NIPSNAP2: variants seen among roughly 807,000 people sequenced by gnomAD.
NIPSNAP2 encodes the protein nipsnap homolog 2.
A neutral mutation model predicts 48.4 loss-of-function variants in NIPSNAP2; 42 were observed. The observed-to-expected ratio is 0.87, with a 90% CI of 0.68 to 1.12. The LOEUF (loss-of-function observed/expected upper bound fraction) is 1.12. NIPSNAP2 is among the 50% of genes most tolerant of loss of function. NIPSNAP2 has a pLI of 0.00. For synonymous variants in NIPSNAP2, 158 were observed against 126.6 expected (o/e 1.25, Z -1.67); for missense variants, 314 against 347.3 (o/e 0.90, Z 0.76).
At position 55,964,673 on chromosome 7, in the gene NIPSNAP2, G is replaced by GC; in HGVS notation, c.69dup (p.Cys24LeufsTer32). ...GGCCGGCGGCCTCCTGCAGCGGGCG[G>GC]CCCCCTGCAGCCTCCTGCCCAGGCT... On this transcript the variant is annotated frameshift_variant, in exon 1 of 10. Transcript: ENST00000322090. LOFTEE classifies it high-confidence loss of function. 2.7e-6 allele frequency: 3 copies of GC among 1,120,092 alleles called. No individual in the cohort carries two copies. The highest frequency in any genetic ancestry group is 3.3e-6 in the Non-Finnish European group (3 of 916,652). The allele number at this position is 1,120,092 out of a possible 1,614,324, so 69.4% of individuals were successfully genotyped here.
At chr7:55,996,241 G>A (rs1375197921) in intron 8 of NIPSNAP2, among the ~76,000 whole-genome samples, 3 of 146,546 alleles carry the variant, frequency 2.0e-5, no homozygotes, top group Non-Finnish European at 4.5e-5. Context: ...AGCCGAGATC[G>A]CACCACTGCA....
Position 55,987,056 on chromosome 7 carries a change from A to G in NIPSNAP2, c.617+2178A>G, listed in dbSNP as rs149695463. ...CACATGCCTGTAGTCTCAGCTATTC[A>G]GGAGGCTGAGGTGGGAGGATTGCTT... On this transcript the variant is annotated intron_variant, in intron 7 of 9. Transcript: ENST00000322090. Among the ~76,000 whole-genome samples, 393 of 150,506 alleles carry G rather than the reference A, an allele frequency of 2.6e-3. 3 individuals carry two copies. The highest frequency in any genetic ancestry group is 9.2e-3 in the African/African-American group (379 of 41,030).
At chr7:55,982,498 C>G (rs1787234681) in intron 5 of NIPSNAP2, among the ~76,000 whole-genome samples, 1 of 152,118 alleles carries the variant, frequency 6.6e-6, no homozygotes, top group Admixed American at 6.6e-5. Flanking sequence ...CCTGTAATCC[C>G]AGCACTTTGG....
rs754262150 is a variant in NIPSNAP2, at chr7:55,981,495, C to T, written c.301C>T (p.His101Tyr). 1 of 1,613,762 alleles carries T rather than the reference C, an allele frequency of 6.2e-7. No homozygotes were observed. Among genetic ancestry groups the T allele is most frequent in the Admixed American group, 1.7e-5 (1 of 59,996 alleles). Residue 101 changes from histidine (H) to tyrosine (Y), a missense_variant, in exon 4 of 10, where the codon CAC (histidine) becomes TAC (tyrosine). His to Tyr is a moderately conservative substitution (Grantham distance 83, BLOSUM62 2). Transcript: ENST00000322090. ...AAGTCAAGAGGTGTTGCCAAAGATT[C>T]ACGAAGATAAACACTACCCTTGTAC... ...KICQEVLPKIHEDKHYPCTLV... is the reference protein window; with the variant it reads ...KICQEVLPKIYEDKHYPCTLV...
chr7:55,983,909 G>A (rs776152741), intron 6 of NIPSNAP2, 41 bp downstream of exon 6: 3 of 1,588,234 alleles, frequency 1.9e-6, no homozygotes, highest in Non-Finnish European at 1.7e-6. Flanking sequence ...ACTCCTCTGT[G>A]AAAAAGCACA....
chr7:55,972,932 G>T (rs189646553), intron 1 of NIPSNAP2, among the ~76,000 whole-genome samples: 35 of 152,186 alleles, frequency 2.3e-4, no homozygotes, highest in African/African-American at 8.2e-4. Flanking sequence ...GTGAAACCCT[G>T]TCTCTACAAA....
At chr7:55,977,848 A>G (rs1353217097) in intron 1 of NIPSNAP2, among the ~76,000 whole-genome samples, 2 of 152,122 alleles carry the variant, frequency 1.3e-5, no homozygotes, top group Non-Finnish European at 2.9e-5. Flanking sequence ...TACTCTAGGT[A>G]TCCATGTATA....
chr7:55,987,688 T>G (rs1173279062), intron 7 of NIPSNAP2, among the ~76,000 whole-genome samples: 1 of 152,144 alleles, frequency 6.6e-6, no homozygotes, highest in Non-Finnish European at 1.5e-5. Context: ...TTGAGGAGGA[T>G]GTAATGCTAA....
chr7:55,978,469 G>C (rs1262928288), intron 3 of NIPSNAP2, 74 bp downstream of exon 3: 3 of 1,232,040 alleles, frequency 2.4e-6, no homozygotes, highest in East Asian at 2.4e-5. Flanking sequence ...ACTAACACTT[G>C]ATAGCATAGA....
At chr7:55,998,540 C>T (rs1038800795) in intron 9 of NIPSNAP2, among the ~76,000 whole-genome samples, 1 of 103,480 alleles carries the variant, frequency 9.7e-6, no homozygotes, top group Non-Finnish European at 1.8e-5. Context: ...CTTGTTCTGT[C>T]GCCAGGCTGG....
At chr7:55,966,066 G>A (rs540644274) in intron 1 of NIPSNAP2, among the ~76,000 whole-genome samples, 7 of 152,258 alleles carry the variant, frequency 4.6e-5, no homozygotes, top group South Asian at 2.1e-4. Context: ...GGCGTCCAAG[G>A]CCATCCGGAG....
intron 7 of NIPSNAP2, among the ~76,000 whole-genome samples, chr7:55,986,787 A>G (rs1165138627): frequency 6.6e-6 from 1 of 152,132 alleles, no homozygotes; most frequent in Non-Finnish European, 1.5e-5. Context: ...TTCAGAATAG[A>G]TAAATAATTC....
chr7:55,973,524 G>A (rs956019061), intron 1 of NIPSNAP2, among the ~76,000 whole-genome samples: 9 of 151,956 alleles, frequency 5.9e-5, no homozygotes, highest in African/African-American at 2.2e-4. Context: ...AGCCCAGGCT[G>A]GAGTGCAGTG....
intron 7 of NIPSNAP2, among the ~76,000 whole-genome samples, chr7:55,990,777 T>C (rs1370614720): frequency 6.6e-6 from 1 of 151,508 alleles, no homozygotes; most frequent in Non-Finnish European, 1.5e-5. Context: ...TTATATCTTT[T>C]CTTTTTTCTT....
In NIPSNAP2 at chr7:55,978,390, A is replaced by G. The variant is rs1401525380; in HGVS notation, c.273A>G (p.Lys91=). Residue 91 remains lysine (K), a synonymous_variant, in exon 3 of 10, where the codon AAA becomes AAG. Transcript: ENST00000322090. Reference sequence around the variant, plus strand: ...CGGAATGCCTAGAAGCATACAACAAAATTTGGTGTGTATACCAAACTATCC... The same window carrying G: ...CGGAATGCCTAGAAGCATACAACAAGATTTGGTGTGTATACCAAACTATCC... ...VKPECLEAYN[K]ICQEVLPKIH... 13 of 1,611,254 alleles carry G rather than the reference A, an allele frequency of 8.1e-6. No homozygotes were observed. Among genetic ancestry groups the G allele is most frequent in the Non-Finnish European group, 1.0e-5 (12 of 1,179,012 alleles).
At chr7:55,976,317 T>C (rs1324890233) in intron 1 of NIPSNAP2, among the ~76,000 whole-genome samples, 1 of 152,244 alleles carries the variant, frequency 6.6e-6, no homozygotes. Flanking sequence ...GAGTATTTCC[T>C]AATTTACGTG....
intron 1 of NIPSNAP2, among the ~76,000 whole-genome samples, chr7:55,965,726 A>G (rs1010837450): frequency 6.6e-6 from 1 of 152,066 alleles, no homozygotes; most frequent in African/African-American, 2.4e-5. Context: ...GATTACAGGC[A>G]TGCACCACCA....
chr7:55,981,701 T>C, intron 4 of NIPSNAP2, 134 bp downstream of exon 4: 1 of 587,332 alleles, frequency 1.7e-6, no homozygotes, highest in Non-Finnish European at 3.0e-6. Flanking sequence ...ATTAAAGTAG[T>C]TTCTTCAACA....
chr7:55,977,716 A>G (rs1236982866), intron 1 of NIPSNAP2, among the ~76,000 whole-genome samples: 1 of 152,136 alleles, frequency 6.6e-6, no homozygotes, highest in African/African-American at 2.4e-5. Flanking sequence ...TTTTGGGGAA[A>G]CATCACTACC....
Sources: gnomAD v4.1 joint callset for allele counts (sites outside exome capture counted in the v4.1 genomes callset) on GRCh38, gnomAD v4.1.1 for gene constraint, MANE v1.5 for transcripts, NCBI Gene and HGNC (gene_info 2026-07-23, HGNC 2026-07-21) for gene names.